The following SCAF1 variants were observed in gnomAD, a reference collection of about 807,000 sequenced individuals.
The protein encoded by SCAF1 is SR-related CTD associated factor 1.
Under a neutral mutation model 91.2 loss-of-function variants are expected in SCAF1, and 28 were observed. That is an observed-to-expected ratio of 0.31 (90% CI 0.23 to 0.42). SCAF1 has a LOEUF of 0.42. SCAF1 is among the 10% of genes least tolerant of loss of function. The pLI is 1.00. For synonymous variants in SCAF1, 1,036 were observed against 833.7 expected, an observed-to-expected ratio of 1.24 and a Z score of -4.18; for missense variants, 1,893 against 1,872.1, an observed-to-expected ratio of 1.01 and a Z score of -0.21.
At chr19:49,643,393 C>A (rs936605766) in intron 1 of SCAF1, among the ~76,000 whole-genome samples, 1 of 152,192 alleles carries the variant, frequency 6.6e-6, no homozygotes, top group Non-Finnish European at 1.5e-5. Context: ...ATTGACATTT[C>A]CACTTACTAC....
Position 49,650,939 on chromosome 19 carries a change from C to T in SCAF1, c.550C>T (p.Pro184Ser). 1.3e-6 allele frequency: 2 copies of T among 1,594,722 alleles called. No individual in the cohort carries two copies. Among genetic ancestry groups the T allele is most frequent in the Non-Finnish European group, 1.7e-6 (2 of 1,168,762 alleles). Residue 184 changes from proline (P) to serine (S), a missense_variant, in exon 7 of 11, where the codon CCT becomes TCT. Physicochemically the swap from Pro to Ser is moderately conservative, Grantham distance 74. Coordinates refer to ENST00000360565, the MANE Select transcript of SCAF1 (RefSeq NM_021228.3). Reference protein sequence around the residue: ...HLTLGTGDGGPAPPPAPSSAS... With the variant: ...HLTLGTGDGGSAPPPAPSSAS... ...CACCTTGGGCACGGGAGACGGGGGC[C>T]CTGCCCCACCCCCTGCCCCCTCCTC...
At chr19:49,654,207 T>C in intron 7 of SCAF1, 142 bp from the exon 8 acceptor site, 3 of 681,910 alleles carry the variant, frequency 4.4e-6, no homozygotes, top group African/African-American at 1.8e-5. Flanking sequence ...CAAGGCCCCC[T>C]TTTCCCAGTT....
chr19:49,653,065 G>C lies in SCAF1; in HGVS notation c.2676G>C (p.Pro892=), dbSNP rs762525579. 1.2e-6 allele frequency: 2 copies of C among 1,613,726 alleles called. No individual in the cohort carries two copies. Among genetic ancestry groups the C allele is most frequent in the South Asian group, 1.1e-5 (1 of 91,052 alleles). Residue 892 remains proline (P), a synonymous_variant, in exon 7 of 11, where the codon CCG becomes CCC. Transcript: ENST00000360565. ...CCACTGAGATGGCCAAAGCAGCTCC[G>C]GGCAGCACCAAGCCCAAAAAGACCA... ...RAPTEMAKAA[P]GSTKPKKTKV...
upstream of SCAF1, among the ~76,000 whole-genome samples, chr19:49,640,990 G>T (rs1168810314): frequency 1.3e-5 from 2 of 152,130 alleles, no homozygotes; most frequent in Non-Finnish European, 2.9e-5. Flanking sequence ...AGGTAGACAG[G>T]TTCCTTCGTA....
At position 49,645,446 on chromosome 19, in the gene SCAF1, C is replaced by T; in HGVS notation, c.166+35C>T. On this transcript the variant is annotated intron_variant, in intron 3 of 10. Coordinates refer to ENST00000360565, the MANE Select transcript of SCAF1 (RefSeq NM_021228.3). The surrounding 1 kb of genome is among the most constrained non-coding windows in gnomAD (Gnocchi z 4.6). ...CTTCCGGTTCCTTTTAGCCCCTGCC[C>T]CCTCTCTGCATTCTTTATCCTAATG... The T allele has an allele frequency of 6.3e-7, 1 of 1,591,372 alleles. No homozygotes were observed. Among genetic ancestry groups the T allele is most frequent in the Non-Finnish European group, 8.6e-7 (1 of 1,165,530 alleles).
Position 49,652,025 on chromosome 19 carries a change from C to A in SCAF1, c.1636C>A (p.Pro546Thr). 2 of 1,220,760 alleles carry A rather than the reference C, an allele frequency of 1.6e-6. No individual in the cohort carries two copies. Among genetic ancestry groups the A allele is most frequent in the Non-Finnish European group, 2.1e-6 (2 of 969,302 alleles). 75.6% of individuals were successfully genotyped at this position (1,220,760 alleles called of 1,614,324 possible). A position where few individuals can be genotyped will look rare whatever the true frequency, so the allele number is the denominator to read the frequency against. ...GGGCACCCAGCCAGCGCCGCCCGCC[C>A]CGGCCTCGCCCTGGGACTCCAAGAA... Reference protein sequence around the residue: ...SSGTQPAPPAPASPWDSKKHR... With the variant: ...SSGTQPAPPATASPWDSKKHR... The change falls in exon 7 of 11, where the codon CCG (proline) becomes ACG (threonine). Residue 546 changes from proline (P) to threonine (T), a missense_variant. By Grantham distance (38) the Pro-to-Thr change is conservative (BLOSUM62 -1). This residue lies in a region of SCAF1 where 1,436 missense variants were observed against 1,306.8 expected (regional missense o/e 1.10). Coordinates refer to ENST00000360565, the MANE Select transcript of SCAF1 (RefSeq NM_021228.3).
In SCAF1 at chr19:49,642,452, GGGGGCGTCTAT is replaced by G. The variant is rs1266163163; in HGVS notation, c.-7+220_-7+230del. Among the ~76,000 whole-genome samples the G allele has an allele frequency of 1.3e-5, 2 of 152,202 alleles. No homozygotes were observed. The highest frequency in any genetic ancestry group is 2.9e-5 in the Non-Finnish European group (2 of 68,018). ...CCCCGGGACGCATCCGTGGGTTCCTGGGGGCGTCTATGGGGCGTCTCCGAGAGGACTTGGGG... is the reference window on the plus strand; with the variant it reads ...CCCCGGGACGCATCCGTGGGTTCCTGGGGGCGTCTCCGAGAGGACTTGGGG... On this transcript the variant is annotated intron_variant, in intron 1 of 10. Coordinates refer to ENST00000360565, the MANE Select transcript of SCAF1 (RefSeq NM_021228.3). This position sits in a 1 kb window ranked among gnomAD's most constrained non-coding sequence, Gnocchi z 4.0.
At position 49,642,376 on chromosome 19, in the gene SCAF1, G is replaced by A. The variant is rs1258420362; in HGVS notation, c.-7+134G>A. The A allele has an allele frequency of 6.6e-6, 1 of 152,258 alleles. No individual in the cohort carries two copies. The highest frequency in any genetic ancestry group is 2.4e-5 in the African/African-American group (1 of 41,446). 9.4% of individuals were successfully genotyped at this position (152,258 alleles called of 1,614,324 possible). A position where few individuals can be genotyped will look rare whatever the true frequency, so the allele number is the denominator to read the frequency against. ...TAGAGGGCTTCTCGGGGCGGTCTCG[G>A]GCCCGGCAGCTGCGGCGAAACCTGG... On this transcript the variant is annotated intron_variant, in intron 1 of 10. Transcript: ENST00000360565. The surrounding 1 kb of genome is among the most constrained non-coding windows in gnomAD (Gnocchi z 4.0).
rs1395478638 is a variant in SCAF1 at position 49,652,327 on chromosome 19, G to A, written c.1938G>A (p.Arg646=). The A allele has an allele frequency of 6.5e-7, 1 of 1,535,202 alleles. No individual in the cohort carries two copies. ...DGGGSKKKKK[R]SRSRGEKRSG... ...GCGGCAGCAAGAAGAAGAAGAAGCG[G>A]TCGCGGTCCCGGGGTGAGAAGCGGT... The change falls in exon 7 of 11, where the codon CGG becomes CGA. Residue 646 remains arginine (R), a synonymous_variant. Coordinates refer to ENST00000360565, the MANE Select transcript of SCAF1 (RefSeq NM_021228.3).
At chr19:49,643,173 T>C (rs967470896) in intron 1 of SCAF1, among the ~76,000 whole-genome samples, 2 of 152,202 alleles carry the variant, frequency 1.3e-5, no homozygotes, top group South Asian at 2.1e-4. Flanking sequence ...CTGGGGGTTA[T>C]TGAGAGAGTT....
intron 9 of SCAF1, among the ~76,000 whole-genome samples, chr19:49,656,848 C>T (rs912834919): frequency 2.0e-5 from 3 of 152,312 alleles, no homozygotes; most frequent in Non-Finnish European, 4.4e-5. Flanking sequence ...GTGCTGTCCC[C>T]GTTTTACAAA....
chr19:49,641,407 C>T (rs1319701507), upstream of SCAF1, among the ~76,000 whole-genome samples: 1 of 152,222 alleles, frequency 6.6e-6, no homozygotes, highest in Non-Finnish European at 1.5e-5. Flanking sequence ...ACCTCCGCTT[C>T]CCGGGTTCAA....
rs754301754 is a variant in SCAF1 at position 49,652,532 on chromosome 19, C to G, written c.2143C>G (p.Pro715Ala). 1 of 1,568,394 alleles carries G rather than the reference C, an allele frequency of 6.4e-7. No homozygotes were observed. The highest frequency in any genetic ancestry group is 1.2e-5 in the South Asian group (1 of 85,498). The change falls in exon 7 of 11, where the codon CCC (proline) becomes GCC (alanine). Residue 715 changes from proline to alanine, a missense_variant. Pro to Ala is a conservative substitution (Grantham distance 27, BLOSUM62 -1). Around this residue, in one of 5 missense-constraint regions of SCAF1, gnomAD observed 1,436 missense variants for 1,306.8 expected, o/e 1.10. Coordinates refer to ENST00000360565, the MANE Select transcript of SCAF1 (RefSeq NM_021228.3). ...ITVGRLDKSD[P>A]RGPSPAPASS... is the part of the protein sequence containing the mutation. ...GGTGGGCCGGCTTGACAAGTCCGAC[C>G]CCCGAGGACCCTCTCCTGCTCCGGC...
At position 49,651,067 on chromosome 19, in the gene SCAF1, T is replaced by C. The variant is rs1168226412; in HGVS notation, c.678T>C (p.Asp226=). 1 of 1,263,064 alleles carries C rather than the reference T, an allele frequency of 7.9e-7. No homozygotes were observed. The highest frequency in any genetic ancestry group is 1.3e-5 in the South Asian group (1 of 76,024). The allele number at this position is 1,263,064 out of a possible 1,614,324, so 78.2% of individuals were successfully genotyped here. A position where few individuals can be genotyped will look rare whatever the true frequency, so the allele number is the denominator to read the frequency against. ...CAGCCCCACCTGCCCCCCGATTCGA[T>C]ATCTATGACCCCTTCCACCCCACCG... ...APPAPPAPRF[D]IYDPFHPTDE... The change falls in exon 7 of 11, where the codon GAT becomes GAC. Residue 226 remains aspartate, a synonymous_variant. Coordinates refer to ENST00000360565, the MANE Select transcript of SCAF1 (RefSeq NM_021228.3).
At chr19:49,655,570 T>G (rs910996745) in intron 9 of SCAF1, among the ~76,000 whole-genome samples, 1 of 152,196 alleles carries the variant, frequency 6.6e-6, no homozygotes, top group East Asian at 1.9e-4. Flanking sequence ...TTTCACCACG[T>G]TGGCCAGGCT....
chr19:49,651,548 G>C lies in SCAF1; in HGVS notation c.1159G>C (p.Gly387Arg), dbSNP rs777836368. The C allele has an allele frequency of 1.3e-6, 2 of 1,560,270 alleles. No homozygotes were observed. The highest frequency in any genetic ancestry group is 1.7e-6 in the Non-Finnish European group (2 of 1,154,000). ...AALPPPLLPP[G>R]DSEIEEGEIV... is the part of the protein sequence containing the mutation. ...CCTCCCGCCGCCCCTGCTGCCGCCCGGCGACTCGGAGATCGAGGAAGGGGA... is the reference window on the plus strand; with the variant it reads ...CCTCCCGCCGCCCCTGCTGCCGCCCCGCGACTCGGAGATCGAGGAAGGGGA... Residue 387 changes from glycine (G) to arginine (R), a missense_variant, in exon 7 of 11, where the codon GGC becomes CGC. Physicochemically the swap from Gly to Arg is moderately radical, Grantham distance 125. Transcript: ENST00000360565.
chr19:49,644,580 C>G (rs999179342), intron 1 of SCAF1, among the ~76,000 whole-genome samples: 1 of 152,134 alleles, frequency 6.6e-6, no homozygotes, highest in East Asian at 1.9e-4. Flanking sequence ...GCACATTGGC[C>G]TTGGGAAAGG....
Position 49,646,216 on chromosome 19 carries a change from G to C in SCAF1, c.261+14G>C. On this transcript the variant is annotated intron_variant, in intron 4 of 10. Coordinates refer to ENST00000360565, the MANE Select transcript of SCAF1 (RefSeq NM_021228.3). This position sits in a 1 kb window ranked among gnomAD's most constrained non-coding sequence, Gnocchi z 5.6. ...GACACGGCTACTGTGAGTAAGAAGAGGGGGCTGGGGGCCTGGCTCACGGGT... is the reference window on the plus strand; with the variant it reads ...GACACGGCTACTGTGAGTAAGAAGACGGGGCTGGGGGCCTGGCTCACGGGT... 2 of 1,596,784 alleles carry C rather than the reference G, an allele frequency of 1.3e-6. No individual in the cohort carries two copies. Among genetic ancestry groups the C allele is most frequent in the South Asian group, 2.2e-5 (2 of 90,806 alleles).
rs1270850513 is a variant in SCAF1 at position 49,652,586 on chromosome 19, G to A, written c.2197G>A (p.Asp733Asn). 2 of 1,567,600 alleles carry A rather than the reference G, an allele frequency of 1.3e-6. No homozygotes were observed. Among genetic ancestry groups the A allele is most frequent in the East Asian group, 2.4e-5 (1 of 42,166 alleles). The change falls in exon 7 of 11, where the codon GAC becomes AAC. Residue 733 changes from aspartate to asparagine, a missense_variant. Asp to Asn is a conservative substitution (Grantham distance 23). This residue lies in a region of SCAF1 where 1,436 missense variants were observed against 1,306.8 expected (regional missense o/e 1.10). Transcript: ENST00000360565. The stretch of plus-strand genomic sequence containing the variant: ...CTCACCTAAGCGGGAGGTCCTGTAC[G>A]ACTCCGAGGGACTGAGCGGCGAGGA... ...ASSPKREVLYDSEGLSGEERG... is the reference protein window; with the variant it reads ...ASSPKREVLYNSEGLSGEERG...
Sources: gnomAD v4.1 joint callset for allele counts (sites outside exome capture counted in the v4.1 genomes callset) on GRCh38, gnomAD v4.1.1 for gene constraint, gnomAD v4.1.1 regional missense constraint, Gnocchi (gnomAD v3.1) non-coding constraint, MANE v1.5 for transcripts, NCBI Gene and HGNC (gene_info 2026-07-23, HGNC 2026-07-21) for gene names.